Variants in ARIH2 observed in about 807,000 individuals in gnomAD.
The protein encoded by ARIH2 is E3 ubiquitin-protein ligase ARIH2.
ARIH2 carries 12 observed loss-of-function variants against 79.8 expected under a neutral mutation model. The observed-to-expected ratio is 0.15, with a 90% confidence interval of 0.10 to 0.24. ARIH2 has a LOEUF of 0.24. Among genes scored for constraint, ARIH2 ranks in the 10% least tolerant of loss-of-function variants. ARIH2 has a pLI of 1.00. For missense variants in ARIH2, 301 were observed against 618.3 expected (o/e 0.49, Z 5.44); for synonymous variants, 224 against 213.9 (o/e 1.05, Z -0.41).
intron 1 of ARIH2, chr3:48,921,710 A>G (rs2084850966): frequency 6.6e-6 from 1 of 151,434 alleles, no homozygotes; most frequent in African/African-American, 2.4e-5. Context: ...AAGTGCTGGG[A>G]TTACTGGCAT....
At chr3:48,958,518 G>A (rs536818384) in intron 3 of ARIH2, among the ~76,000 whole-genome samples, 1 of 151,374 alleles carries the variant, frequency 6.6e-6, no homozygotes, top group African/African-American at 2.4e-5. Context: ...AAGACCAGCC[G>A]GGCCAAGATG....
intron 3 of ARIH2, among the ~76,000 whole-genome samples, chr3:48,938,937 A>C (rs2087599820): frequency 6.6e-6 from 1 of 150,640 alleles, no homozygotes; most frequent in Non-Finnish European, 1.5e-5. Flanking sequence ...AAAAAAAAAA[A>C]AACCAACTAC....
At chr3:48,979,411 C>T in intron 11 of ARIH2, 71 bp from the exon 12 acceptor site, 2 of 1,535,396 alleles carry the variant, frequency 1.3e-6, no homozygotes, top group South Asian at 1.2e-5. Flanking sequence ...CTGTCTGTCT[C>T]ACTCCTCTGC....
chr3:48,947,270 C>G (rs1451398854), intron 3 of ARIH2, among the ~76,000 whole-genome samples: 1 of 152,052 alleles, frequency 6.6e-6, no homozygotes, highest in Non-Finnish European at 1.5e-5. Context: ...GAGATAACCT[C>G]ATCTCTACTA....
Position 48,934,882 on chromosome 3 carries a change from T to C in ARIH2, c.255+7069T>C, listed in dbSNP as rs915827650. The C allele has an allele frequency of 2.4e-5, 24 of 985,314 alleles. No homozygotes were observed. The African/African-American group carries it at 4.0e-4, about 16-fold the overall frequency. The allele number at this position is 985,314 out of a possible 1,614,324, so 61.0% of individuals were successfully genotyped here. On this transcript the variant is annotated intron_variant, in intron 3 of 15. Coordinates refer to ENST00000356401, the MANE Select transcript of ARIH2 (RefSeq NM_006321.4). Reference sequence around the variant, plus strand: ...TCAGATTCAAGGCCAGCTTTCATTCTAGTCTTTTTGTTGTGCTTTCTGTCT... The same window carrying C: ...TCAGATTCAAGGCCAGCTTTCATTCCAGTCTTTTTGTTGTGCTTTCTGTCT...
At chr3:48,956,908 T>C (rs1328734111) in intron 3 of ARIH2, among the ~76,000 whole-genome samples, 5 of 152,122 alleles carry the variant, frequency 3.3e-5, no homozygotes, top group African/African-American at 1.2e-4. Flanking sequence ...GGTTTCACCA[T>C]GTTGGCCACA....
intron 3 of ARIH2, among the ~76,000 whole-genome samples, chr3:48,953,742 G>C (rs912566967): frequency 6.6e-6 from 1 of 151,694 alleles, no homozygotes; most frequent in Non-Finnish European, 1.5e-5. Flanking sequence ...AGTCACCCCG[G>C]CTGGAGCGTA....
intron 11 of ARIH2, chr3:48,975,203 G>A: frequency 1.5e-6 from 1 of 665,222 alleles, no homozygotes; most frequent in Non-Finnish European, 2.5e-6. Context: ...ATAGTCAGAA[G>A]TCAAGTTTGG....
chr3:48,935,720 T>C (rs1448414358), intron 3 of ARIH2, among the ~76,000 whole-genome samples: 2 of 152,184 alleles, frequency 1.3e-5, no homozygotes, highest in East Asian at 3.8e-4. Flanking sequence ...GCCTGGAACA[T>C]GAATGTTCAA....
intron 5 of ARIH2, 98 bp downstream of exon 5, chr3:48,965,080 C>T (rs754559749): frequency 1.4e-5 from 16 of 1,164,272 alleles, no homozygotes; most frequent in East Asian, 5.3e-5. Context: ...TGGCTGGGTG[C>T]GGTGTGGCTC....
At chr3:48,939,267 AT>A (rs1473850949) in intron 3 of ARIH2, among the ~76,000 whole-genome samples, 2 of 151,810 alleles carry the variant, frequency 1.3e-5, no homozygotes, top group Non-Finnish European at 2.9e-5. Flanking sequence ...CAAAACCTTT[AT>A]TTTTAAGAAA....
intron 3 of ARIH2, among the ~76,000 whole-genome samples, chr3:48,944,201 A>G (rs2088783215): frequency 6.6e-6 from 1 of 152,144 alleles, no homozygotes; most frequent in Non-Finnish European, 1.5e-5. Context: ...GAGGGCTGGA[A>G]TGGAGACATA....
chr3:48,941,877 G>A (rs746932880), intron 3 of ARIH2, among the ~76,000 whole-genome samples: 5 of 149,310 alleles, frequency 3.3e-5, no homozygotes, highest in South Asian at 2.1e-4. Flanking sequence ...GCCACCGCCC[G>A]ATTTTTCTTT....
rs761364123 is a variant in ARIH2 at position 48,940,794 on chromosome 3, C to CAAAAA, written c.255+12992_255+12996dup. 3.6e-3 allele frequency among the ~76,000 whole-genome samples: 248 copies of CAAAAA among 68,382 alleles called. 2 individuals carry two copies. The highest frequency in any genetic ancestry group is 0.022 in the East Asian group (39 of 1,784). The allele number at this position is 68,382 out of a possible 152,430, so 44.9% of individuals were successfully genotyped here. A position where few individuals can be genotyped will look rare whatever the true frequency, so the allele number is the denominator to read the frequency against. On this transcript the variant is annotated intron_variant, in intron 3 of 15. Coordinates refer to ENST00000356401, the MANE Select transcript of ARIH2 (RefSeq NM_006321.4). ...TGGGTGATAAAGGGAGACTCCGTCT[C>CAAAAA]AAAAAAAAAAAAAAATATATATATA...
At chr3:48,933,984 C>T (rs2086759531) in intron 3 of ARIH2, among the ~76,000 whole-genome samples, 1 of 152,134 alleles carries the variant, frequency 6.6e-6, no homozygotes, top group South Asian at 2.1e-4. Flanking sequence ...GAAAATATTT[C>T]CTAGAACACT....
intron 3 of ARIH2, among the ~76,000 whole-genome samples, chr3:48,936,333 T>C (rs762060238): frequency 5.9e-5 from 9 of 152,200 alleles, no homozygotes; most frequent in Non-Finnish European, 1.0e-4. Context: ...CCTCCTGAAA[T>C]GTATCTGCCC....
rs2089700823 is a variant in ARIH2 at position 48,949,694 on chromosome 3, T to C, written c.256-11918T>C. On this transcript the variant is annotated intron_variant, in intron 3 of 15. Coordinates refer to ENST00000356401, the MANE Select transcript of ARIH2 (RefSeq NM_006321.4). ...TGGTGAAATGTCTGTTCAAATACTT[T>C]GTCTGTTTTTAAAAATTGCATTTTG... is the stretch of plus-strand genomic sequence containing the variant. 2.0e-5 allele frequency among the ~76,000 whole-genome samples: 3 copies of C among 152,224 alleles called. No homozygotes were observed. In the South Asian group the frequency reaches 6.2e-4, roughly 31 times the overall value.
intron 1 of ARIH2, 24 bp downstream of exon 1, chr3:48,919,022 G>T (rs1160264674): frequency 2.1e-6 from 3 of 1,398,776 alleles, no homozygotes; most frequent in Non-Finnish European, 2.8e-6. Context: ...GCACGTCACG[G>T]CCTTGTTTAC....
intron 4 of ARIH2, among the ~76,000 whole-genome samples, chr3:48,964,153 C>G (rs2091549082): frequency 6.6e-6 from 1 of 151,964 alleles, no homozygotes; most frequent in Non-Finnish European, 1.5e-5. Flanking sequence ...GCTTCAGTCT[C>G]CCAAGTAGCT....
Sources: allele counts gnomAD v4.1 joint callset (sites outside exome capture counted in the v4.1 genomes callset), GRCh38; gene constraint gnomAD v4.1.1; transcripts MANE v1.5; gene names NCBI Gene and HGNC (gene_info 2026-07-23, HGNC 2026-07-21).